The following CORO1B variants were observed in gnomAD, a reference collection of about 807,000 sequenced individuals.
CORO1B encodes coronin-1B.
In CORO1B, 30 loss-of-function variants were observed where a neutral mutation model predicts 51.1. The ratio of observed to expected loss-of-function variants is 0.59; its 90% CI spans 0.44 to 0.80. The LOEUF is 0.80. CORO1B is among the 30% of genes least tolerant of loss of function. The pLI is 0.00. For missense variants in CORO1B, 648 were observed against 700.4 expected (o/e 0.93, Z 0.84); for synonymous variants, 310 against 289.7 (o/e 1.07, Z -0.71).
At chr11:67,439,995 G>A in intron 8 of CORO1B, 123 bp downstream of exon 8, 1 of 1,485,746 alleles carries the variant, frequency 6.7e-7, no homozygotes, top group African/African-American at 1.4e-5. Context: ...GCTGCCTCGT[G>A]ACAGTTCTCA....
Position 67,436,258 on chromosome 11 carries a change from G to T in CORO1B, c.*2118C>A. 2 of 1,545,030 alleles carry T rather than the reference G, an allele frequency of 1.3e-6. No individual in the cohort carries two copies. The highest frequency in any genetic ancestry group is 4.9e-5 in the East Asian group (2 of 41,082). On this transcript the variant is annotated 3_prime_UTR_variant, in exon 11 of 11. Coordinates refer to ENST00000341356, the MANE Select transcript of CORO1B (RefSeq NM_020441.3). ...GCAGCAGCAGGACAACGGTGACAGA[G>T]CTGGAGCCCACGCTGTCCTCCGCGC...
In CORO1B at chr11:67,437,401, G is replaced by A; in HGVS notation, c.*975C>T. The A allele has an allele frequency of 2.2e-6, 1 of 445,596 alleles. No homozygotes were observed. The highest frequency in any genetic ancestry group is 3.9e-6 in the Non-Finnish European group (1 of 258,516). 27.6% of individuals were successfully genotyped at this position (445,596 alleles called of 1,614,324 possible). A position where few individuals can be genotyped will look rare whatever the true frequency, so the allele number is the denominator to read the frequency against. Reference sequence around the variant, plus strand: ...AGGGCCTTCCCAGGGCTCCTGACAGGGGCCTGGTCCGGTATGGGGTGCTGG... The same window carrying A: ...AGGGCCTTCCCAGGGCTCCTGACAGAGGCCTGGTCCGGTATGGGGTGCTGG... On this transcript the variant is annotated 3_prime_UTR_variant, in exon 11 of 11. Transcript: ENST00000341356.
chr11:67,439,723 C>T, intron 9 of CORO1B, 63 bp downstream of exon 9: 1 of 1,503,262 alleles, frequency 6.7e-7, no homozygotes, highest in African/African-American at 1.4e-5. Context: ...TCGCCCTGGT[C>T]ACAACTGCAT....
rs773297129 is a variant in CORO1B, at chr11:67,436,073, C to T, written c.*2303G>A. ...ATTGTCTGTGGACCCCAGCTCAGCT[C>T]GGGCCTGCAGCCAGCGACCTGGGGG... On this transcript the variant is annotated 3_prime_UTR_variant, in exon 11 of 11. Coordinates refer to ENST00000341356, the MANE Select transcript of CORO1B (RefSeq NM_020441.3). 271 of 1,612,550 alleles carry T rather than the reference C, an allele frequency of 1.7e-4. No individual in the cohort carries two copies. The highest frequency in any genetic ancestry group is 2.2e-4 in the Non-Finnish European group (255 of 1,179,644).
At chr11:67,443,368 A>G (rs1335561019) in intron 1 of CORO1B, 36 bp downstream of exon 1, 4 of 604,084 alleles carry the variant, frequency 6.6e-6, no homozygotes, top group Non-Finnish European at 8.3e-6. Flanking sequence ...CCCAGCCCCC[A>G]GCCCGCGCCC....
intron 2 of CORO1B, 79 bp downstream of exon 2, chr11:67,442,349 G>A (rs1343545066): frequency 2.1e-6 from 3 of 1,448,540 alleles, no homozygotes; most frequent in African/African-American, 2.8e-5. Context: ...ACGGCAAGAT[G>A]AGGGATTCAA....
chr11:67,436,307 G>C lies in CORO1B; in HGVS notation c.*2069C>G, dbSNP rs1468762906. 1 of 1,524,234 alleles carries C rather than the reference G, an allele frequency of 6.6e-7. No individual in the cohort carries two copies. Among genetic ancestry groups the C allele is most frequent in the Non-Finnish European group, 8.8e-7 (1 of 1,138,770 alleles). 94.4% of individuals were successfully genotyped at this position (1,524,234 alleles called of 1,614,324 possible). On this transcript the variant is annotated 3_prime_UTR_variant, in exon 11 of 11. Transcript: ENST00000341356. ...GCTGCCACCCGAGCCCAAGGCCCCT[G>C]GCAGGGCCAGCAGCATCCCGAGCCC...
In CORO1B at chr11:67,435,810, C is replaced by A. The variant is rs776785147; in HGVS notation, c.*2566G>T. On this transcript the variant is annotated 3_prime_UTR_variant, in exon 11 of 11. Transcript: ENST00000341356. ...TCCCAGGCTGCGCTGCCAGCAAAGG[C>A]GTGCAGGTCACTCAGCAGGGCCTCA... 2.1e-5 allele frequency: 34 copies of A among 1,600,480 alleles called. No homozygotes were observed. In the Admixed American group the frequency reaches 5.2e-4, roughly 25 times the overall value.
intron 4 of CORO1B, 62 bp downstream of exon 4, chr11:67,441,671 C>T: frequency 6.8e-7 from 1 of 1,477,676 alleles, no homozygotes; most frequent in Non-Finnish European, 9.1e-7. Flanking sequence ...CCTGGAGGGG[C>T]TGCTGGGATG....
Position 67,442,500 on chromosome 11 carries a change from G to A in CORO1B, c.129C>T (p.Val43=). ...RVTWDSTFCA[V]NPKFLAVIVE... ...CAATCACCGCCAGGAACTTGGGGTT[G>A]ACGGCGCAGAAGGTGCTGTCCCAGG... Residue 43 remains valine (V), a synonymous_variant, in exon 2 of 11, where the codon GTC becomes GTT. Transcript: ENST00000341356. 1.2e-6 allele frequency: 2 copies of A among 1,613,656 alleles called. No individual in the cohort carries two copies. Among genetic ancestry groups the A allele is most frequent in the Non-Finnish European group, 1.7e-6 (2 of 1,180,022 alleles).
chr11:67,439,003 C>A, intron 9 of CORO1B, 54 bp from the exon 10 acceptor site: 6 of 1,526,732 alleles, frequency 3.9e-6, no homozygotes, highest in Non-Finnish European at 4.4e-6. Flanking sequence ...ATCAGGGTCC[C>A]CTCATCCCTC....
At chr11:67,440,706 CTG>C (rs1168436874) in intron 6 of CORO1B, 1 of 659,864 alleles carries the variant, frequency 1.5e-6, no homozygotes, top group Non-Finnish European at 2.8e-6. Flanking sequence ...ACATACCTCA[CTG>C]TGGGGAGCTG....
chr11:67,437,670 T>A lies in CORO1B; in HGVS notation c.*706A>T, dbSNP rs1565151685. On this transcript the variant is annotated 3_prime_UTR_variant, in exon 11 of 11. Coordinates refer to ENST00000341356, the MANE Select transcript of CORO1B (RefSeq NM_020441.3). ...GCACCCACCTCCAGCTCTGGCTGTG[T>A]CGAGCGAGAAGTGAGCTCAGTGCTC... 7.4e-7 allele frequency: 1 copy of A among 1,351,782 alleles called. No individual in the cohort carries two copies. The highest frequency in any genetic ancestry group is 9.6e-7 in the Non-Finnish European group (1 of 1,042,942). 83.7% of individuals were successfully genotyped at this position (1,351,782 alleles called of 1,614,324 possible).
rs1369934733 is a variant in CORO1B at position 67,441,110 on chromosome 11, A to C, written c.756+15T>G. 1.9e-6 allele frequency: 3 copies of C among 1,612,786 alleles called. No individual in the cohort carries two copies. The highest frequency in any genetic ancestry group is 2.5e-6 in the Non-Finnish European group (3 of 1,179,978). ...GCCCAAGTCTCAAGTTTGCCCCCTC[A>C]GGCTGGCCACTCACTGGGTCCCAGA... On this transcript the variant is annotated intron_variant, in intron 6 of 10. Transcript: ENST00000341356.
At chr11:67,438,581 CAG>C (rs1475319576) in intron 10 of CORO1B, 80 bp from the exon 11 acceptor site, 1 of 1,547,978 alleles carries the variant, frequency 6.5e-7, no homozygotes, top group African/African-American at 1.4e-5. Flanking sequence ...ACCACTACCC[CAG>C]AGAGGGACAG....
chr11:67,437,597 C>G lies in CORO1B; in HGVS notation c.*779G>C. The G allele has an allele frequency of 1.5e-6, 2 of 1,351,446 alleles. No individual in the cohort carries two copies. Among genetic ancestry groups the G allele is most frequent in the Non-Finnish European group, 1.9e-6 (2 of 1,042,764 alleles). The allele number at this position is 1,351,446 out of a possible 1,614,324, so 83.7% of individuals were successfully genotyped here. A position where few individuals can be genotyped will look rare whatever the true frequency, so the allele number is the denominator to read the frequency against. ...GCCTGTGGCCCCCATCCCAAGAACC[C>G]GGGGGGCTCCGAGGCTTACCATTGG... is the stretch of plus-strand genomic sequence containing the variant. On this transcript the variant is annotated 3_prime_UTR_variant, in exon 11 of 11. Transcript: ENST00000341356.
chr11:67,437,252 C>T lies in CORO1B; in HGVS notation c.*1124G>A, dbSNP rs375896303. Reference sequence around the variant, plus strand: ...GCAGCTGCCAGAGGAAGTCTGCGGTCGGAACAGGCTAGGTGGGGGGTGTCG... The same window carrying T: ...GCAGCTGCCAGAGGAAGTCTGCGGTTGGAACAGGCTAGGTGGGGGGTGTCG... On this transcript the variant is annotated 3_prime_UTR_variant, in exon 11 of 11. Coordinates refer to ENST00000341356, the MANE Select transcript of CORO1B (RefSeq NM_020441.3). The T allele has an allele frequency of 4.1e-5, 9 of 221,908 alleles. 1 individual carries two copies. The highest frequency in any genetic ancestry group is 3.5e-4 in the East Asian group (4 of 11,318). 13.7% of individuals were successfully genotyped at this position (221,908 alleles called of 1,614,324 possible). A position where few individuals can be genotyped will look rare whatever the true frequency, so the allele number is the denominator to read the frequency against.
chr11:67,438,427 G>A lies in CORO1B; in HGVS notation c.1419C>T (p.Arg473=), dbSNP rs1864330555. ...LRALVKEQGD[R]ICRLEEQLGR... is the part of the protein sequence containing the mutation. Reference sequence around the variant, plus strand: ...CCAGCTGCTCCTCCAGGCGGCAGATGCGGTCGCCCTGCTCCTTGACCAGCG... The same window carrying A: ...CCAGCTGCTCCTCCAGGCGGCAGATACGGTCGCCCTGCTCCTTGACCAGCG... Residue 473 remains arginine, a synonymous_variant, in exon 11 of 11, where the codon CGC becomes CGT. Transcript: ENST00000341356. 6.2e-7 allele frequency: 1 copy of A among 1,610,460 alleles called. No homozygotes were observed.
intron 6 of CORO1B, 147 bp downstream of exon 6, chr11:67,440,978 G>C (rs1864381751): frequency 3.4e-6 from 4 of 1,190,306 alleles, no homozygotes; most frequent in South Asian, 1.3e-5. Context: ...GGCAGGAGAG[G>C]AAAGTCTGAC....
Sources: allele counts gnomAD v4.1 joint callset, GRCh38; gene constraint gnomAD v4.1.1; transcripts MANE v1.5; gene names NCBI Gene and HGNC (gene_info 2026-07-23, HGNC 2026-07-21).